The following SMYD3 variants were observed in gnomAD, a reference collection of about 807,000 sequenced individuals.
SMYD3 encodes the protein histone-lysine N-methyltransferase SMYD3.
A neutral mutation model predicts 57.7 loss-of-function variants in SMYD3; 36 were observed. The observed-to-expected ratio is 0.62, with a 90% CI of 0.48 to 0.82. SMYD3 has a LOEUF of 0.82. SMYD3 is among the 40% of genes least tolerant of loss of function. SMYD3 has a pLI of 0.00. For synonymous variants in SMYD3, 211 were observed against 195.0 expected, an observed-to-expected ratio of 1.08 and a Z score of -0.68; for missense variants, 515 against 538.8, an observed-to-expected ratio of 0.96 and a Z score of 0.44.
intron 1 of SMYD3, among the ~76,000 whole-genome samples, chr1:246,406,234 T>C (rs1420110774): frequency 6.6e-6 from 1 of 152,182 alleles, no homozygotes; most frequent in Non-Finnish European, 1.5e-5. Flanking sequence ...AAAATGGGGA[T>C]ACTAATAGTA....
intron 5 of SMYD3, among the ~76,000 whole-genome samples, chr1:246,114,769 T>C (rs953601546): frequency 7.2e-5 from 11 of 152,140 alleles, no homozygotes; most frequent in African/African-American, 2.4e-4. Context: ...GAGCTTGGGA[T>C]TACAGGCGCC....
intron 5 of SMYD3, among the ~76,000 whole-genome samples, chr1:246,064,804 C>T (rs1055274090): frequency 1.3e-5 from 2 of 152,246 alleles, no homozygotes; most frequent in African/African-American, 4.8e-5. Flanking sequence ...GATTTTGGCA[C>T]AGACACTGGG....
At chr1:246,377,086 G>T (rs1275562094) in intron 1 of SMYD3, among the ~76,000 whole-genome samples, 3 of 151,902 alleles carry the variant, frequency 2.0e-5, no homozygotes, top group Non-Finnish European at 4.4e-5. Flanking sequence ...GGCGACAGAG[G>T]CTTTGTCTCA....
chr1:245,855,371 A>T (rs1006689988), intron 10 of SMYD3, among the ~76,000 whole-genome samples: 2 of 152,150 alleles, frequency 1.3e-5, no homozygotes, highest in Non-Finnish European at 2.9e-5. Flanking sequence ...AAGGCTGAGT[A>T]GACTTTCATG....
At chr1:245,763,198 C>T (rs1282981794) in intron 11 of SMYD3, among the ~76,000 whole-genome samples, 1 of 152,228 alleles carries the variant, frequency 6.6e-6, no homozygotes, top group African/African-American at 2.4e-5. Context: ...TCACTGACCT[C>T]CTTCGCTTCC....
At chr1:245,846,578 A>G (rs2050677172) in intron 10 of SMYD3, among the ~76,000 whole-genome samples, 1 of 152,218 alleles carries the variant, frequency 6.6e-6, no homozygotes. Flanking sequence ...GGAGTGTGCA[A>G]GTTACTAAGT....
chr1:246,112,034 C>T (rs2061253063), intron 5 of SMYD3, among the ~76,000 whole-genome samples: 1 of 152,160 alleles, frequency 6.6e-6, no homozygotes, highest in Admixed American at 6.5e-5. Flanking sequence ...ATGAAACTGG[C>T]AAGTTCACTA....
At chr1:245,778,735 G>A (rs1348424678) in intron 10 of SMYD3, among the ~76,000 whole-genome samples, 1 of 152,044 alleles carries the variant, frequency 6.6e-6, no homozygotes, top group African/African-American at 2.4e-5. Flanking sequence ...TTTAGAAGAC[G>A]TAGGGGAAAA....
chr1:245,985,608 G>T (rs10754492), intron 5 of SMYD3, among the ~76,000 whole-genome samples: 77,779 of 151,940 alleles, frequency 0.51, 23,424 homozygotes, highest in Middle Eastern at 0.69. Flanking sequence ...CCGTCTCCAA[G>T]ACTGTTGCTC....
Position 246,284,153 on chromosome 1 carries a change from GTCAGATGCTGCATA to G in SMYD3, c.531+43034_531+43047del, listed in dbSNP as rs2064507730. The stretch of plus-strand genomic sequence containing the variant: ...ATGCTGCAAAACGGCATAGCAGGCT[GTCAGATGCTGCATA>G]TCAGCTACTTGAGCAGTTAGATTAA... On this transcript the variant is annotated intron_variant, in intron 5 of 11. Transcript: ENST00000490107. 3.9e-5 allele frequency among the ~76,000 whole-genome samples: 6 copies of G among 152,182 alleles called. No homozygotes were observed. The South Asian group carries it at 1.2e-3, about 32-fold the overall frequency.
chr1:246,428,824 C>G (rs996075545), intron 1 of SMYD3, among the ~76,000 whole-genome samples: 2 of 150,514 alleles, frequency 1.3e-5, no homozygotes, highest in Non-Finnish European at 3.0e-5. Context: ...TCTTAACCGC[C>G]GATGCTCTGC....
In SMYD3 at chr1:246,234,850, T is replaced by C. The variant is rs550900227; in HGVS notation, c.531+92351A>G. Among the ~76,000 whole-genome samples the C allele has an allele frequency of 4.0e-4, 61 of 152,344 alleles. 1 individual carries two copies. Among genetic ancestry groups the C allele is most frequent in the African/African-American group, 1.4e-3 (60 of 41,586 alleles). ...ACTAGAATTATATATTATATTTAAA[T>C]GTATCTCTTTAAACCAATTCAAAAG... On this transcript the variant is annotated intron_variant, in intron 5 of 11. Coordinates refer to ENST00000490107, the MANE Select transcript of SMYD3 (RefSeq NM_001167740.2).
intron 5 of SMYD3, among the ~76,000 whole-genome samples, chr1:246,277,263 C>A (rs983892744): frequency 2.0e-5 from 3 of 151,102 alleles, no homozygotes; most frequent in African/African-American, 7.3e-5. Context: ...ATATATAAAA[C>A]GCTCAACATC....
At chr1:246,491,133 C>T (rs945546262) in intron 1 of SMYD3, among the ~76,000 whole-genome samples, 27 of 152,100 alleles carry the variant, frequency 1.8e-4, no homozygotes, top group Non-Finnish European at 2.1e-4. Context: ...TAAGTATGAC[C>T]GGTTCACAAG....
At chr1:245,940,897 T>G (rs766889174) in intron 5 of SMYD3, among the ~76,000 whole-genome samples, 1 of 152,174 alleles carries the variant, frequency 6.6e-6, no homozygotes, top group Non-Finnish European at 1.5e-5. Flanking sequence ...TCTAACCCAA[T>G]GCAAAGAAGC....
intron 1 of SMYD3, among the ~76,000 whole-genome samples, chr1:246,378,750 A>AT (rs2066327342): frequency 1.2e-5 from 1 of 81,660 alleles, no homozygotes; most frequent in Non-Finnish European, 2.3e-5. Context: ...AATTATATAT[A>AT]ATATATTTAA....
At position 246,115,550 on chromosome 1, in the gene SMYD3, TAAC is replaced by T. The variant is rs1321691557; in HGVS notation, c.532-185616_532-185614del. On this transcript the variant is annotated intron_variant, in intron 5 of 11. Transcript: ENST00000490107. Reference sequence around the variant, plus strand: ...ATAGCTAGTACCCAAAAAGATAAAATAACAACATCTGGCATTCAGTCAAAAGTC... The same window carrying T: ...ATAGCTAGTACCCAAAAAGATAAAATAACATCTGGCATTCAGTCAAAAGTC... Among the ~76,000 whole-genome samples, 10 of 152,096 alleles carry T rather than the reference TAAC, an allele frequency of 6.6e-5. No individual in the cohort carries two copies. The East Asian group carries it at 1.9e-3, about 29-fold the overall frequency.
rs1053419813 is a variant in SMYD3, at chr1:246,336,341, A to G, written c.229-867T>C. On this transcript the variant is annotated intron_variant, in intron 2 of 11. Transcript: ENST00000490107. ...GGTGAGTAGAAGAAGCCTCAATCAA[A>G]TGTCTCTCGTGTTATATTCTGAAAA... Among the ~76,000 whole-genome samples the G allele has an allele frequency of 2.0e-5, 3 of 152,200 alleles. No individual in the cohort carries two copies. The South Asian group carries it at 6.2e-4, about 31-fold the overall frequency.
At chr1:246,415,376 T>C (rs980120598) in intron 1 of SMYD3, among the ~76,000 whole-genome samples, 9 of 152,302 alleles carry the variant, frequency 5.9e-5, no homozygotes, top group Admixed American at 3.3e-4. Flanking sequence ...ATAAAATGTA[T>C]ATCGTACTTA....
Sources: gnomAD v4.1 joint callset for allele counts (sites outside exome capture counted in the v4.1 genomes callset) on GRCh38, gnomAD v4.1.1 for gene constraint, MANE v1.5 for transcripts, NCBI Gene and HGNC (gene_info 2026-07-23, HGNC 2026-07-21) for gene names.